The following ARHGAP24 variants were observed in gnomAD, a reference collection of about 807,000 sequenced individuals.
The protein encoded by ARHGAP24 is rho GTPase-activating protein 24.
ARHGAP24 carries 50 observed loss-of-function variants against 76.4 expected under a neutral mutation model. The ratio of observed to expected loss-of-function variants is 0.65; its 90% CI spans 0.52 to 0.83. The LOEUF is 0.83. Ranked by LOEUF, ARHGAP24 falls within the 40% of genes least tolerant of loss-of-function variation. The pLI is 0.00. For synonymous variants in ARHGAP24, 345 were observed against 323.3 expected, an observed-to-expected ratio of 1.07 and a Z score of -0.72; for missense variants, 930 against 914.2, an observed-to-expected ratio of 1.02 and a Z score of -0.22.
intron 3 of ARHGAP24, among the ~76,000 whole-genome samples, chr4:85,750,872 G>A (rs1300346473): frequency 6.6e-6 from 1 of 152,072 alleles, no homozygotes; most frequent in African/African-American, 2.4e-5. Context: ...TCACTGCGGG[G>A]CAGAAGTCTC....
chr4:85,752,987 T>A (rs13112030), intron 3 of ARHGAP24, among the ~76,000 whole-genome samples: 77,329 of 152,132 alleles, frequency 0.51, 23,057 homozygotes, highest in Non-Finnish European at 0.69. Flanking sequence ...CTGATTAAAA[T>A]ATTCTTTTCA....
chr4:85,479,128 A>T (rs1722713998), intron 1 of ARHGAP24, among the ~76,000 whole-genome samples: 1 of 152,228 alleles, frequency 6.6e-6, no homozygotes, highest in Non-Finnish European at 1.5e-5. Flanking sequence ...AAGTCCATTT[A>T]AAAAATGTCT....
At chr4:85,517,914 T>C (rs1311998945) in intron 1 of ARHGAP24, among the ~76,000 whole-genome samples, 1 of 152,112 alleles carries the variant, frequency 6.6e-6, no homozygotes, top group Non-Finnish European at 1.5e-5. Flanking sequence ...TGATCTAATG[T>C]AGGTTTGCAG....
intron 3 of ARHGAP24, among the ~76,000 whole-genome samples, chr4:85,851,670 C>T (rs1383325294): frequency 1.3e-5 from 2 of 152,150 alleles, no homozygotes; most frequent in African/African-American, 2.4e-5. Context: ...TCAGGATTTG[C>T]TTGTCTGCAA....
chr4:85,599,283 G>A (rs1719953538), intron 2 of ARHGAP24, among the ~76,000 whole-genome samples: 1 of 152,118 alleles, frequency 6.6e-6, no homozygotes, highest in Non-Finnish European at 1.5e-5. Context: ...AGGACAGTGG[G>A]GTGCAGAGGT....
intron 2 of ARHGAP24, among the ~76,000 whole-genome samples, chr4:85,694,547 A>AT (rs1222942882): frequency 3.9e-5 from 6 of 152,122 alleles, no homozygotes; most frequent in African/African-American, 1.4e-4. Flanking sequence ...AGTAGCATTA[A>AT]TTTTTATAAT....
intron 3 of ARHGAP24, among the ~76,000 whole-genome samples, chr4:85,746,576 G>A (rs1726046501): frequency 6.6e-6 from 1 of 152,092 alleles, no homozygotes; most frequent in African/African-American, 2.4e-5. Context: ...GCTATATTTT[G>A]TGCCTGCATG....
intron 1 of ARHGAP24, among the ~76,000 whole-genome samples, chr4:85,501,118 C>A (rs1723797154): frequency 6.6e-6 from 1 of 152,180 alleles, no homozygotes; most frequent in South Asian, 2.1e-4. Context: ...TTAATCCAAT[C>A]TATCAGTGAT....
At chr4:85,755,752 C>T (rs140779679) in intron 3 of ARHGAP24, among the ~76,000 whole-genome samples, 7,019 of 151,228 alleles carry the variant, frequency 0.046, 214 homozygotes, top group Non-Finnish European at 0.067. Context: ...CCTGCCTCAG[C>T]GTCCTGAGTA....
At chr4:85,760,132 A>G (rs1726681733) in intron 3 of ARHGAP24, among the ~76,000 whole-genome samples, 1 of 152,242 alleles carries the variant, frequency 6.6e-6, no homozygotes, top group Non-Finnish European at 1.5e-5. Flanking sequence ...AATTTAAACA[A>G]CACAAAGTTA....
rs151152488 is a variant in ARHGAP24, at chr4:85,594,839, G to T, written c.180+24118G>T. Among the ~76,000 whole-genome samples, 3 of 151,936 alleles carry T rather than the reference G, an allele frequency of 2.0e-5. No homozygotes were observed. The South Asian group carries it at 6.2e-4, about 32-fold the overall frequency. Reference sequence around the variant, plus strand: ...TATTGTTTAAAATTTATCTAACTACGTATGAGGTGAAAAAGAGACTAGACA... The same window carrying T: ...TATTGTTTAAAATTTATCTAACTACTTATGAGGTGAAAAAGAGACTAGACA... On this transcript the variant is annotated intron_variant, in intron 2 of 9. Coordinates refer to ENST00000395184, the MANE Select transcript of ARHGAP24 (RefSeq NM_001025616.3).
chr4:85,768,460 T>C (rs1164909620), intron 3 of ARHGAP24, among the ~76,000 whole-genome samples: 1 of 151,986 alleles, frequency 6.6e-6, no homozygotes, highest in Non-Finnish European at 1.5e-5. Context: ...GAATGATAGC[T>C]GGGCGTGGTG....
At chr4:85,697,257 A>G (rs1297543574) in intron 2 of ARHGAP24, among the ~76,000 whole-genome samples, 2 of 152,164 alleles carry the variant, frequency 1.3e-5, no homozygotes, top group Admixed American at 6.6e-5. Context: ...TGCTGTTTTG[A>G]TACTCAAGGA....
At chr4:85,670,963 C>G (rs926015463) in intron 2 of ARHGAP24, among the ~76,000 whole-genome samples, 1 of 152,124 alleles carries the variant, frequency 6.6e-6, no homozygotes, top group Non-Finnish European at 1.5e-5. Context: ...GATTGGGGCC[C>G]AAGTGTGTGT....
At chr4:85,535,883 T>C (rs1725449165) in intron 1 of ARHGAP24, among the ~76,000 whole-genome samples, 2 of 152,146 alleles carry the variant, frequency 1.3e-5, no homozygotes, top group South Asian at 4.2e-4. Flanking sequence ...TTTTTTCATT[T>C]CTCTTTCAAT....
At chr4:85,700,465 C>T (rs997694024) in intron 2 of ARHGAP24, among the ~76,000 whole-genome samples, 20 of 150,200 alleles carry the variant, frequency 1.3e-4, no homozygotes, top group Non-Finnish European at 2.2e-4. Flanking sequence ...ATGCAGCTGA[C>T]GTGGTGCAAA....
intron 2 of ARHGAP24, among the ~76,000 whole-genome samples, chr4:85,588,075 A>G (rs1727932095): frequency 6.6e-6 from 1 of 152,208 alleles, no homozygotes. Flanking sequence ...AGGGGATAAC[A>G]TGCAGAGGGA....
At chr4:85,687,067 G>T (rs781483754) in intron 2 of ARHGAP24, among the ~76,000 whole-genome samples, 5 of 152,036 alleles carry the variant, frequency 3.3e-5, no homozygotes, top group Non-Finnish European at 7.4e-5. Context: ...TTGCTAATTA[G>T]AGATTCAAGA....
chr4:85,493,659 C>T (rs940793070), intron 1 of ARHGAP24, among the ~76,000 whole-genome samples: 32 of 152,162 alleles, frequency 2.1e-4, no homozygotes, highest in Non-Finnish European at 4.3e-4. Flanking sequence ...ACTCTAGGCT[C>T]TTCTTGTACT....
Sources: allele counts gnomAD v4.1 joint callset (sites outside exome capture counted in the v4.1 genomes callset), GRCh38; gene constraint gnomAD v4.1.1; transcripts MANE v1.5; gene names NCBI Gene and HGNC (gene_info 2026-07-23, HGNC 2026-07-21).